BZW1: variants seen among roughly 807,000 people sequenced by gnomAD.
BZW1 encodes eIF5-mimic protein 2.
A neutral mutation model predicts 54.1 loss-of-function variants in BZW1; 3 were observed. That is an observed-to-expected ratio of 0.06 (90% CI 0.03 to 0.14). BZW1 has a LOEUF of 0.14. Among genes scored for constraint, BZW1 ranks in the 10% least tolerant of loss-of-function variants. The probability of loss-of-function intolerance (pLI) is 1.00; values close to 1 mark genes in which losing one functional copy is unlikely to be tolerated. For missense variants in BZW1, 206 were observed against 491.7 expected (o/e 0.42, Z 5.50); for synonymous variants, 152 against 162.7 (o/e 0.93, Z 0.50).
At position 200,824,975 on chromosome 2, in the gene BZW1, CTT is replaced by C. The variant is rs925982856; in HGVS notation, c.*2802_*2803del. ...GCTTGAGCCACCGCGCCCAGCTAGACTTTTTTCTAATAGAGTCCCCCATAAAT... is the reference window on the plus strand; with the variant it reads ...GCTTGAGCCACCGCGCCCAGCTAGACTTTTCTAATAGAGTCCCCCATAAAT... On this transcript the variant is annotated 3_prime_UTR_variant, in exon 12 of 12. Coordinates refer to ENST00000409600, the MANE Select transcript of BZW1 (RefSeq NM_001207067.2). 4 of 151,722 alleles carry C rather than the reference CTT, an allele frequency of 2.6e-5. No individual in the cohort carries two copies. The highest frequency in any genetic ancestry group is 4.8e-5 in the African/African-American group (2 of 41,276). 9.4% of individuals were successfully genotyped at this position (151,722 alleles called of 1,614,324 possible).
At chr2:200,818,529 C>T (rs1052159658) in intron 8 of BZW1, 136 bp downstream of exon 8, 3 of 1,149,568 alleles carry the variant, frequency 2.6e-6, no homozygotes, top group East Asian at 2.5e-5. Flanking sequence ...TTGCCTCATT[C>T]TTTTGCATAT....
Position 200,824,954 on chromosome 2 carries a change from GA to G in BZW1, c.*2777del, listed in dbSNP as rs2038653573. 1 of 152,218 alleles carries G rather than the reference GA, an allele frequency of 6.6e-6. No individual in the cohort carries two copies. Among genetic ancestry groups the G allele is most frequent in the Non-Finnish European group, 1.5e-5 (1 of 68,096 alleles). 9.4% of individuals were successfully genotyped at this position (152,218 alleles called of 1,614,324 possible). A position where few individuals can be genotyped will look rare whatever the true frequency, so the allele number is the denominator to read the frequency against. ...CCCAAAGTGCTGGGATTATGGGCTTGAGCCACCGCGCCCAGCTAGACTTTTT... is the reference window on the plus strand; with the variant it reads ...CCCAAAGTGCTGGGATTATGGGCTTGGCCACCGCGCCCAGCTAGACTTTTT... On this transcript the variant is annotated 3_prime_UTR_variant, in exon 12 of 12. Coordinates refer to ENST00000409600, the MANE Select transcript of BZW1 (RefSeq NM_001207067.2).
chr2:200,814,059 TGTA>T (rs1402912729), intron 2 of BZW1, among the ~76,000 whole-genome samples: 4 of 152,186 alleles, frequency 2.6e-5, no homozygotes, highest in Non-Finnish European at 5.9e-5. Context: ...TCTGTCCCCT[TGTA>T]GTAGTGGTGG....
Position 200,826,420 on chromosome 2 carries a change from T to TGATAGA in BZW1, c.*4242_*4243insGATAGA, listed in dbSNP as rs1559318459. On this transcript the variant is annotated 3_prime_UTR_variant, in exon 12 of 12. Coordinates refer to ENST00000409600, the MANE Select transcript of BZW1 (RefSeq NM_001207067.2). ...AGATAGATAGATATTTTTTTTTTTT[T>TGATAGA]TTTTTTTTTTTTTTTTTTTTTTGAG... is the stretch of plus-strand genomic sequence containing the variant. 13 of 62,980 alleles carry TGATAGA rather than the reference T, an allele frequency of 2.1e-4. No homozygotes were observed. In the South Asian group the frequency reaches 2.1e-3, roughly 10 times the overall value. The allele number at this position is 62,980 out of a possible 1,614,324, so 3.9% of individuals were successfully genotyped here. A position where few individuals can be genotyped will look rare whatever the true frequency, so the allele number is the denominator to read the frequency against.
chr2:200,818,821 G>A lies in BZW1; in HGVS notation c.886G>A (p.Val296Ile), dbSNP rs753157996. 5.0e-6 allele frequency: 8 copies of A among 1,602,288 alleles called. No individual in the cohort carries two copies. The highest frequency in any genetic ancestry group is 6.8e-6 in the Non-Finnish European group (8 of 1,177,010). The change falls in exon 9 of 12, where the codon GTC becomes ATC. Residue 296 changes from valine to isoleucine, a missense_variant. Physicochemically the swap from Val to Ile is conservative, Grantham distance 29. This residue lies in a region of BZW1 where 60 missense variants were observed against 151.8 expected (regional missense o/e 0.40). Coordinates refer to ENST00000409600, the MANE Select transcript of BZW1 (RefSeq NM_001207067.2). Reference sequence around the variant, plus strand: ...CCCAGAGCCAGTTGTCATCGGAATAGTCTGGTCAAGTGTAATGAGCACTGT... The same window carrying A: ...CCCAGAGCCAGTTGTCATCGGAATAATCTGGTCAAGTGTAATGAGCACTGT... Reference protein sequence around the residue: ...NIPEPVVIGIVWSSVMSTVEW... With the variant: ...NIPEPVVIGIIWSSVMSTVEW...
Position 200,824,577 on chromosome 2 carries a change from TTTAG to T in BZW1, c.*2404_*2407del, listed in dbSNP as rs2038641933. ...TACAGGATATTTTGAAATAGCATAT[TTTAG>T]TTAGGGGAAATGCATGTGACCAAGA... On this transcript the variant is annotated 3_prime_UTR_variant, in exon 12 of 12. Coordinates refer to ENST00000409600, the MANE Select transcript of BZW1 (RefSeq NM_001207067.2). 6.6e-6 allele frequency: 1 copy of T among 151,874 alleles called. No homozygotes were observed. The highest frequency in any genetic ancestry group is 1.5e-5 in the Non-Finnish European group (1 of 67,958). The allele number at this position is 151,874 out of a possible 1,614,324, so 9.4% of individuals were successfully genotyped here.
intron 2 of BZW1, among the ~76,000 whole-genome samples, chr2:200,815,055 A>G (rs2038234783): frequency 6.6e-6 from 1 of 152,224 alleles, no homozygotes; most frequent in Admixed American, 6.5e-5. Context: ...GATGGCCTAA[A>G]TTTTGGAAAA....
chr2:200,817,630 T>C (rs1444117698), intron 6 of BZW1, among the ~76,000 whole-genome samples: 1 of 123,852 alleles, frequency 8.1e-6, no homozygotes, highest in Non-Finnish European at 1.8e-5. Flanking sequence ...TCTACAGTAA[T>C]TTTTTTGAAG....
In BZW1 at chr2:200,818,403, T is replaced by G. The variant is rs1239886967; in HGVS notation, c.819+10T>G. 1 of 1,594,912 alleles carries G rather than the reference T, an allele frequency of 6.3e-7. No homozygotes were observed. Among genetic ancestry groups the G allele is most frequent in the African/African-American group, 1.4e-5 (1 of 73,342 alleles). ...TGATCCATTTAAGGATGTAAGTTTT[T>G]GTTTAAACCGTCTTTTTATGGCTAA... On this transcript the variant is annotated intron_variant, in intron 8 of 11. Transcript: ENST00000409600.
At chr2:200,817,885 G>C (rs1446856914) in intron 6 of BZW1, 89 bp from the exon 7 acceptor site, 3 of 895,872 alleles carry the variant, frequency 3.3e-6, no homozygotes, top group Non-Finnish European at 5.0e-6. Context: ...AATCCCATGT[G>C]ATTGAACTAT....
rs1376202697 is a variant in BZW1, at chr2:200,817,912, G to A, written c.539-62G>A. ...TTGAACTATGAAGGGAAGGATATAG[G>A]GGGACACAGTGATTGAAACCAGGGA... On this transcript the variant is annotated intron_variant, in intron 6 of 11. Coordinates refer to ENST00000409600, the MANE Select transcript of BZW1 (RefSeq NM_001207067.2). The A allele has an allele frequency of 2.2e-5, 25 of 1,157,616 alleles. No individual in the cohort carries two copies. The Admixed American group carries it at 4.7e-4, about 22-fold the overall frequency. The allele number at this position is 1,157,616 out of a possible 1,614,324, so 71.7% of individuals were successfully genotyped here.
Position 200,821,189 on chromosome 2 carries a change from T to C in BZW1, c.1112T>C (p.Val371Ala), listed in dbSNP as rs757330823. Residue 371 changes from valine to alanine, a missense_variant, in exon 11 of 12, where the codon GTC becomes GCC. Physicochemically the swap from Val to Ala is moderately conservative, Grantham distance 64. Transcript: ENST00000409600. ...CAATGAGTTTTCTTTCCAGCTGAAG[T>C]CCTGAGCGAGGAGCCCATTTTGAAG... ...KIVVLFYKAE[V>A]LSEEPILKWY... 6.2e-7 allele frequency: 1 copy of C among 1,611,604 alleles called. No individual in the cohort carries two copies. The highest frequency in any genetic ancestry group is 1.7e-5 in the Admixed American group (1 of 59,996).
At chr2:200,818,118 C>T (rs368432704) in intron 7 of BZW1, 35 bp downstream of exon 7, 912 of 1,529,048 alleles carry the variant, frequency 6.0e-4, no homozygotes, top group Non-Finnish European at 7.8e-4. Context: ...CCATTCTTGC[C>T]AAGGATGTAA....
Position 200,812,447 on chromosome 2 carries a change from G to T in BZW1, c.-11+457G>T, listed in dbSNP as rs539587245. 3.8e-5 allele frequency: 50 copies of T among 1,314,572 alleles called. No individual in the cohort carries two copies. The African/African-American group carries it at 6.3e-4, about 16-fold the overall frequency. 81.4% of individuals were successfully genotyped at this position (1,314,572 alleles called of 1,614,324 possible). On this transcript the variant is annotated intron_variant, in intron 1 of 11. Coordinates refer to ENST00000409600, the MANE Select transcript of BZW1 (RefSeq NM_001207067.2). ...TGGGGCCCCGGCGCAAAGCGCCTCAGTGACTGTGGTCCGCTCGTTGCGGCG... is the reference window on the plus strand; with the variant it reads ...TGGGGCCCCGGCGCAAAGCGCCTCATTGACTGTGGTCCGCTCGTTGCGGCG...
rs1454004845 is a variant in BZW1 at position 200,813,188 on chromosome 2, C to T, written c.-10-20C>T. 7 of 1,602,418 alleles carry T rather than the reference C, an allele frequency of 4.4e-6. No homozygotes were observed. The highest frequency in any genetic ancestry group is 6.0e-6 in the Non-Finnish European group (7 of 1,170,678). On this transcript the variant is annotated intron_variant, in intron 1 of 11. Transcript: ENST00000409600. The stretch of plus-strand genomic sequence containing the variant: ...TAGTATTATGGCACTGATATTAAGG[C>T]TTTATTTCTCCTTTCCTAGGGTGTC...
intron 10 of BZW1, 57 bp from the exon 11 acceptor site, chr2:200,821,126 T>G (rs1353025323): frequency 2.5e-6 from 4 of 1,585,076 alleles, no homozygotes; most frequent in Non-Finnish European, 1.7e-6. Flanking sequence ...AGGTGGTGGT[T>G]CTAACGCTGA....
chr2:200,812,308 A>AT lies in BZW1; in HGVS notation c.-11+319dup. The AT allele has an allele frequency of 2.4e-6, 3 of 1,253,638 alleles. No individual in the cohort carries two copies. In the East Asian group the frequency reaches 9.5e-5, roughly 40 times the overall value. 77.7% of individuals were successfully genotyped at this position (1,253,638 alleles called of 1,614,324 possible). A position where few individuals can be genotyped will look rare whatever the true frequency, so the allele number is the denominator to read the frequency against. On this transcript the variant is annotated intron_variant, in intron 1 of 11. Transcript: ENST00000409600. ...AAGCCGCCGCGGCCTCTGTTGTGTGATGTACGCGTGGGGGCTTCCGGCGGG... is the reference window on the plus strand; with the variant it reads ...AAGCCGCCGCGGCCTCTGTTGTGTGATTGTACGCGTGGGGGCTTCCGGCGGG...
rs1250316938 is a variant in BZW1, at chr2:200,823,338, C to G, written c.*1160C>G. On this transcript the variant is annotated 3_prime_UTR_variant, in exon 12 of 12. Coordinates refer to ENST00000409600, the MANE Select transcript of BZW1 (RefSeq NM_001207067.2). ...TTTAATTGCCATGAGCCAAATACTT[C>G]TTGGTATACAATTGATCCATTTATT... 1 of 159,434 alleles carries G rather than the reference C, an allele frequency of 6.3e-6. No homozygotes were observed. The highest frequency in any genetic ancestry group is 1.5e-5 in the Non-Finnish European group (1 of 68,074). The allele number at this position is 159,434 out of a possible 1,614,324, so 9.9% of individuals were successfully genotyped here. A position where few individuals can be genotyped will look rare whatever the true frequency, so the allele number is the denominator to read the frequency against.
chr2:200,821,701 T>C (rs969809712), intron 11 of BZW1, among the ~76,000 whole-genome samples: 1 of 152,298 alleles, frequency 6.6e-6, no homozygotes, highest in East Asian at 1.9e-4. Context: ...AGCCAAATGT[T>C]GGGATTTCCA....
Sources: gnomAD v4.1 joint callset for allele counts (sites outside exome capture counted in the v4.1 genomes callset) on GRCh38, gnomAD v4.1.1 for gene constraint, gnomAD v4.1.1 regional missense constraint, MANE v1.5 for transcripts, NCBI Gene and HGNC (gene_info 2026-07-23, HGNC 2026-07-21) for gene names.